Variants in ARMC9 observed in about 807,000 individuals in gnomAD.
The protein encoded by ARMC9 is armadillo repeat containing 9.
Under a neutral mutation model 107.0 loss-of-function variants are expected in ARMC9, and 94 were observed. The observed-to-expected ratio is 0.88, with a 90% CI of 0.74 to 1.04. ARMC9 has a LOEUF of 1.04. Among genes scored for constraint, ARMC9 ranks in the 50% least tolerant of loss-of-function variants. The probability of loss-of-function intolerance (pLI) is 0.00; values close to 1 mark genes in which losing one functional copy is unlikely to be tolerated. For synonymous variants in ARMC9, 380 were observed against 396.9 expected, an observed-to-expected ratio of 0.96 and a Z score of 0.51; for missense variants, 942 against 1,030.1, an observed-to-expected ratio of 0.91 and a Z score of 1.17.
intron 20 of ARMC9, among the ~76,000 whole-genome samples, chr2:231,341,191 A>G (rs2044479585): frequency 6.6e-6 from 1 of 152,226 alleles, no homozygotes. Context: ...GACCTTGTCT[A>G]AAAAACCTAC....
At chr2:231,296,789 G>A (rs888437849) in intron 19 of ARMC9, among the ~76,000 whole-genome samples, 2 of 152,176 alleles carry the variant, frequency 1.3e-5, no homozygotes, top group African/African-American at 4.8e-5. Flanking sequence ...TAATGTATGC[G>A]AGTCTCTGAA....
At chr2:231,227,594 C>A (rs2034770255) in intron 7 of ARMC9, among the ~76,000 whole-genome samples, 1 of 152,232 alleles carries the variant, frequency 6.6e-6, no homozygotes, top group Admixed American at 6.5e-5. Context: ...AACTCCCTGC[C>A]ATTGCTTTTT....
chr2:231,275,507 T>G (rs1047906530), intron 14 of ARMC9, among the ~76,000 whole-genome samples: 7 of 152,338 alleles, frequency 4.6e-5, no homozygotes, highest in African/African-American at 1.7e-4. Context: ...AAATCATTCC[T>G]TATAATTTGC....
In ARMC9 at chr2:231,355,935, G is replaced by A. The variant is rs566344934; in HGVS notation, c.2131+1G>A. ...CCGGAGTCCTGCGTCTCCTCTTCAT[G>A]TAAGAATGTGGGCAGCACACTGGGT... is the stretch of plus-strand genomic sequence containing the variant. On this transcript the variant is annotated splice_donor_variant, in intron 22 of 24. Transcript: ENST00000611582. LOFTEE classifies it high-confidence loss of function. The A allele has an allele frequency of 3.9e-6, 6 of 1,534,858 alleles. No homozygotes were observed. In the East Asian group the frequency reaches 1.2e-4, roughly 31 times the overall value.
intron 1 of ARMC9, among the ~76,000 whole-genome samples, chr2:231,200,566 TGG>T (rs1379022307): frequency 1.3e-5 from 2 of 152,112 alleles, no homozygotes; most frequent in Admixed American, 1.3e-4. Flanking sequence ...CCCATATACT[TGG>T]GAGGCTGAGG....
chr2:231,241,336 C>T (rs1403380952), intron 9 of ARMC9, among the ~76,000 whole-genome samples: 1 of 152,128 alleles, frequency 6.6e-6, no homozygotes, highest in African/African-American at 2.4e-5. Context: ...GACTAGCACA[C>T]CTGAAGGCCC....
intron 4 of ARMC9, 132 bp downstream of exon 4, chr2:231,215,133 C>T (rs1353108184): frequency 6.1e-6 from 6 of 980,876 alleles, no homozygotes; most frequent in Non-Finnish European, 7.4e-6. Flanking sequence ...CAGGCATCCT[C>T]TCTCCTGGTG....
At chr2:231,282,964 A>G (rs1031611782) in intron 17 of ARMC9, among the ~76,000 whole-genome samples, 1 of 152,186 alleles carries the variant, frequency 6.6e-6, no homozygotes, top group African/African-American at 2.4e-5. Flanking sequence ...AAGGCAAAGA[A>G]GAGGAAAAAA....
At chr2:231,324,445 T>C (rs2043196164) in intron 19 of ARMC9, among the ~76,000 whole-genome samples, 1 of 146,358 alleles carries the variant, frequency 6.8e-6, no homozygotes, top group Admixed American at 6.8e-5. Context: ...AAAACAGCTT[T>C]GTTTTAATTA....
chr2:231,216,434 G>A lies in ARMC9; in HGVS notation c.349-204G>A, dbSNP rs558381938. 1.9e-3 allele frequency among the ~76,000 whole-genome samples: 296 copies of A among 152,298 alleles called. 1 individual carries two copies. The highest frequency in any genetic ancestry group is 6.8e-3 in the African/African-American group (284 of 41,562). On this transcript the variant is annotated intron_variant, in intron 4 of 24. Coordinates refer to ENST00000611582, the MANE Select transcript of ARMC9 (RefSeq NM_001352754.2). ...AGCAGCATATTGAACTGTATATATA[G>A]TTGTCTGATCTTCCTGACATAGTCT... is the stretch of plus-strand genomic sequence containing the variant.
At chr2:231,213,511 C>T (rs1445553216) in intron 3 of ARMC9, among the ~76,000 whole-genome samples, 5 of 149,232 alleles carry the variant, frequency 3.4e-5, no homozygotes, top group African/African-American at 9.9e-5. Context: ...GAGTCTCGCT[C>T]TGTTGCCCAG....
intron 19 of ARMC9, among the ~76,000 whole-genome samples, chr2:231,320,159 G>A (rs1389344203): frequency 6.6e-6 from 1 of 152,162 alleles, no homozygotes; most frequent in Non-Finnish European, 1.5e-5. Context: ...ATAAGCCCCT[G>A]TGTGTTTCTC....
intron 4 of ARMC9, among the ~76,000 whole-genome samples, chr2:231,215,468 G>A (rs1044519588): frequency 4.6e-5 from 7 of 152,200 alleles, no homozygotes; most frequent in Non-Finnish European, 7.3e-5. Context: ...GATTACAGGC[G>A]TGAGCCACTG....
intron 20 of ARMC9, among the ~76,000 whole-genome samples, chr2:231,336,986 C>T (rs1429058942): frequency 2.0e-5 from 3 of 152,180 alleles, no homozygotes; most frequent in African/African-American, 7.2e-5. Context: ...TGTACCCGGT[C>T]CTGCTGTGCC....
chr2:231,295,203 T>C (rs2041273732), intron 18 of ARMC9: 3 of 152,172 alleles, frequency 2.0e-5, no homozygotes. Flanking sequence ...AAGAAACAAG[T>C]GATAATAAGA....
At chr2:231,316,109 C>T (rs1467910000) in intron 19 of ARMC9, among the ~76,000 whole-genome samples, 1 of 151,662 alleles carries the variant, frequency 6.6e-6, no homozygotes, top group South Asian at 2.1e-4. Context: ...ATTATCAACC[C>T]GGTGCTATAA....
rs747281529 is a variant in ARMC9 at position 231,296,251 on chromosome 2, G to A, written c.1771G>A (p.Glu591Lys). ...ESDDDEDEDD[E>K]EDHDIMEADL... is the part of the protein sequence containing the mutation. ...TGATGATGATGAAGATGAAGATGAT[G>A]AAGTAAGTTGGAGGTTCTTGACACC... The change falls in exon 19 of 25, where the codon GAA becomes AAA. Residue 591 changes from glutamate to lysine, a missense_variant and splice_region_variant. Glu to Lys is a moderately conservative substitution (Grantham distance 56, BLOSUM62 1). Transcript: ENST00000611582. 2.5e-6 allele frequency: 4 copies of A among 1,613,112 alleles called. No individual in the cohort carries two copies. The highest frequency in any genetic ancestry group is 1.1e-5 in the South Asian group (1 of 90,870).
intron 9 of ARMC9, among the ~76,000 whole-genome samples, chr2:231,243,104 G>A (rs1266838310): frequency 6.6e-6 from 1 of 152,154 alleles, no homozygotes; most frequent in Non-Finnish European, 1.5e-5. Context: ...AAAATTAGCT[G>A]GGCATGGTTG....
intron 19 of ARMC9, among the ~76,000 whole-genome samples, chr2:231,324,123 CTTTTTT>C (rs71296842): frequency 2.2e-5 from 2 of 89,272 alleles, no homozygotes; most frequent in Admixed American, 1.5e-4. Context: ...TTGTAAAGTA[CTTTTTT>C]TTTTTTTTTT....
Sources: allele counts gnomAD v4.1 joint callset (sites outside exome capture counted in the v4.1 genomes callset), GRCh38; gene constraint gnomAD v4.1.1; transcripts MANE v1.5; gene names NCBI Gene and HGNC (gene_info 2026-07-23, HGNC 2026-07-21).